Variants in BICC1 observed in about 807,000 individuals in gnomAD.
BICC1 encodes the protein BicC family RNA binding protein 1, also known as protein bicaudal C homolog 1.
BICC1 carries 43 observed loss-of-function variants against 111.0 expected under a neutral mutation model. That is an observed-to-expected ratio of 0.39 (90% CI 0.30 to 0.50). The LOEUF (loss-of-function observed/expected upper bound fraction) is 0.50. Among genes scored for constraint, BICC1 ranks in the 20% least tolerant of loss-of-function variants. The pLI is 0.88. For missense variants in BICC1, 1,091 were observed against 1,203.2 expected, an observed-to-expected ratio of 0.91 and a Z score of 1.38; for synonymous variants, 467 against 434.4, an observed-to-expected ratio of 1.07 and a Z score of -0.93.
chr10:58,600,973 A>T (rs1845005503), intron 1 of BICC1, among the ~76,000 whole-genome samples: 1 of 151,640 alleles, frequency 6.6e-6, no homozygotes, highest in Non-Finnish European at 1.5e-5. Context: ...TTCTACTTCC[A>T]AAGGTAGTTG....
At position 58,681,095 on chromosome 10, in the gene BICC1, T is replaced by A. The variant is rs1472492567; in HGVS notation, c.238-20979T>A. 5.3e-5 allele frequency among the ~76,000 whole-genome samples: 8 copies of A among 152,266 alleles called. No individual in the cohort carries two copies. The East Asian group carries it at 1.5e-3, about 29-fold the overall frequency. On this transcript the variant is annotated intron_variant, in intron 2 of 20. Coordinates refer to ENST00000373886, the MANE Select transcript of BICC1 (RefSeq NM_001080512.3). ...CTAGAAGAAAACCTAGGCAATACCA[T>A]TCAGGACAGTGGTATGGGCAAAGAC...
intron 18 of BICC1, chr10:58,814,244 C>G (rs902795311): frequency 9.3e-5 from 57 of 611,034 alleles, no homozygotes; most frequent in Non-Finnish European, 2.0e-5. Flanking sequence ...CTATCTGTAT[C>G]TCCTTGTGAA....
intron 3 of BICC1, among the ~76,000 whole-genome samples, chr10:58,746,237 A>G (rs1841834618): frequency 6.6e-6 from 1 of 152,182 alleles, no homozygotes. Context: ...TCTATAAAGT[A>G]TGGCCTAACT....
At chr10:58,540,926 A>G (rs1156426738) in intron 1 of BICC1, among the ~76,000 whole-genome samples, 2 of 152,122 alleles carry the variant, frequency 1.3e-5, no homozygotes, top group Non-Finnish European at 2.9e-5. Flanking sequence ...GGTAATACTG[A>G]TATGTTAACA....
intron 3 of BICC1, among the ~76,000 whole-genome samples, chr10:58,748,063 A>T (rs892734394): frequency 6.6e-6 from 1 of 152,174 alleles, no homozygotes; most frequent in African/African-American, 2.4e-5. Flanking sequence ...ATACTAGGTG[A>T]TGTGGGTTCA....
chr10:58,585,883 G>A (rs560147996), intron 1 of BICC1, among the ~76,000 whole-genome samples: 1 of 152,298 alleles, frequency 6.6e-6, no homozygotes, highest in East Asian at 1.9e-4. Flanking sequence ...GATTGTGGTT[G>A]TATGTTAGCA....
intron 1 of BICC1, among the ~76,000 whole-genome samples, chr10:58,580,493 T>C (rs1431584039): frequency 6.6e-6 from 1 of 152,146 alleles, no homozygotes; most frequent in Non-Finnish European, 1.5e-5. Context: ...AACTGGTAAG[T>C]AAATAATGCA....
Position 58,702,082 on chromosome 10 carries a change from G to A in BICC1, c.246G>A (p.Glu82=), listed in dbSNP as rs371307045. The change falls in exon 3 of 21, where the codon GAG becomes GAA. Residue 82 remains glutamate, a synonymous_variant. Coordinates refer to ENST00000373886, the MANE Select transcript of BICC1 (RefSeq NM_001080512.3). ...CTCAATTTTTGTTACAGATCATGGA[G>A]GAAACAAATACGCAGATTGCTTGGC... The part of the protein sequence containing the change: ...SGEDFFQKIM[E]ETNTQIAWPS... 4.3e-6 allele frequency: 7 copies of A among 1,612,000 alleles called. No individual in the cohort carries two copies. Among genetic ancestry groups the A allele is most frequent in the Admixed American group, 1.7e-5 (1 of 59,748 alleles).
At chr10:58,705,671 T>TA (rs1436622039) in intron 3 of BICC1, among the ~76,000 whole-genome samples, 1 of 152,264 alleles carries the variant, frequency 6.6e-6, no homozygotes, top group Non-Finnish European at 1.5e-5. Context: ...TGTTTTGTGA[T>TA]ATAAACTAAG....
intron 3 of BICC1, among the ~76,000 whole-genome samples, chr10:58,762,077 C>T (rs528901559): frequency 2.4e-4 from 37 of 152,196 alleles, no homozygotes; most frequent in African/African-American, 8.2e-4. Flanking sequence ...CTGGCTCCTC[C>T]ACTCATCTTT....
At chr10:58,567,687 C>A (rs1843812518) in intron 1 of BICC1, among the ~76,000 whole-genome samples, 1 of 151,968 alleles carries the variant, frequency 6.6e-6, no homozygotes, top group Non-Finnish European at 1.5e-5. Flanking sequence ...ATAGCTAAGA[C>A]CTTAGACAGC....
chr10:58,698,022 A>G (rs1840115968), intron 2 of BICC1, among the ~76,000 whole-genome samples: 1 of 152,222 alleles, frequency 6.6e-6, no homozygotes, highest in Admixed American at 6.5e-5. Context: ...CTGTAAGAAT[A>G]GACCTGGAGT....
chr10:58,569,781 C>T (rs1843888929), intron 1 of BICC1, among the ~76,000 whole-genome samples: 1 of 152,140 alleles, frequency 6.6e-6, no homozygotes. Context: ...TTTCTTCATC[C>T]AGTCTGTCAT....
chr10:58,590,162 G>A (rs1564500951), intron 1 of BICC1, among the ~76,000 whole-genome samples: 1 of 152,160 alleles, frequency 6.6e-6, no homozygotes, highest in African/African-American at 2.4e-5. Context: ...AATGGACTTA[G>A]GGGAGTTTGA....
intron 1 of BICC1, among the ~76,000 whole-genome samples, chr10:58,525,393 A>G (rs370801900): frequency 1.3e-3 from 118 of 91,342 alleles, no homozygotes; most frequent in East Asian, 3.8e-3. Context: ...ATAAAAAAGG[A>G]TGAGTTCATC....
chr10:58,793,707 G>A, intron 9 of BICC1, 92 bp downstream of exon 9: 1 of 1,399,832 alleles, frequency 7.1e-7, no homozygotes, highest in South Asian at 1.3e-5. Flanking sequence ...GCATATACAT[G>A]AAACTGTTAC....
intron 1 of BICC1, among the ~76,000 whole-genome samples, chr10:58,589,147 C>T (rs548180572): frequency 6.6e-6 from 1 of 152,308 alleles, no homozygotes; most frequent in African/African-American, 2.4e-5. Context: ...CAGAATTCGT[C>T]CTGTGGCCCA....
intron 2 of BICC1, among the ~76,000 whole-genome samples, chr10:58,693,060 T>C (rs369697883): frequency 1.3e-5 from 2 of 152,200 alleles, no homozygotes; most frequent in East Asian, 1.9e-4. Flanking sequence ...CCTTCCTCTA[T>C]CTATGTGTTC....
At chr10:58,633,291 G>A (rs555176132) in intron 2 of BICC1, among the ~76,000 whole-genome samples, 2 of 152,248 alleles carry the variant, frequency 1.3e-5, no homozygotes, top group South Asian at 4.1e-4. Flanking sequence ...TAAATTACCC[G>A]GTCTTGGGTA....
Sources: gnomAD v4.1 joint callset for allele counts (sites outside exome capture counted in the v4.1 genomes callset) on GRCh38, gnomAD v4.1.1 for gene constraint, MANE v1.5 for transcripts, NCBI Gene and HGNC (gene_info 2026-07-23, HGNC 2026-07-21) for gene names.